ZCCHC8: variants seen among roughly 807,000 people sequenced by gnomAD.
The protein encoded by ZCCHC8 is zinc finger CCHC domain-containing protein 8.
In ZCCHC8, 27 loss-of-function variants were observed where a neutral mutation model predicts 70.6. The ratio of observed to expected loss-of-function variants is 0.38; its 90% CI spans 0.28 to 0.53. The LOEUF (loss-of-function observed/expected upper bound fraction) is 0.53. ZCCHC8 is among the 20% of genes least tolerant of loss of function. The probability of loss-of-function intolerance (pLI) is 0.81; values close to 1 mark genes in which losing one functional copy is unlikely to be tolerated. For missense variants in ZCCHC8, 737 were observed against 876.9 expected (o/e 0.84, Z 2.01); for synonymous variants, 293 against 317.4 (o/e 0.92, Z 0.82).
chr12:122,490,611 CATT>C lies in ZCCHC8; in HGVS notation c.318-47_318-45del, dbSNP rs745792031. ...TGGTCAGAACCCAGACAGAGTAAAA[CATT>C]CAATAGACTGAAGTCTTATGCATTA... On this transcript the variant is annotated intron_variant, in intron 3 of 13. Transcript: ENST00000633063. The C allele has an allele frequency of 2.1e-4, 262 of 1,243,646 alleles. 1 individual carries two copies. The highest frequency in any genetic ancestry group is 3.8e-4 in the Admixed American group (17 of 44,612). 77.0% of individuals were successfully genotyped at this position (1,243,646 alleles called of 1,614,324 possible).
intron 5 of ZCCHC8, among the ~76,000 whole-genome samples, chr12:122,488,870 CAA>C (rs532083781): frequency 7.1e-4 from 66 of 92,842 alleles, no homozygotes; most frequent in Non-Finnish European, 7.3e-4. Flanking sequence ...GACTCCGTTT[CAA>C]AAAAAAAAAA....
intron 8 of ZCCHC8, chr12:122,482,293 C>A: frequency 2.1e-6 from 1 of 487,768 alleles, no homozygotes; most frequent in Non-Finnish European, 3.4e-6. Context: ...TAAATTAAAT[C>A]AAGTTTTTAG....
chr12:122,483,973 C>T lies in ZCCHC8; in HGVS notation c.502-410G>A, dbSNP rs1957586894. The stretch of plus-strand genomic sequence containing the variant: ...CAGTTCTTTTTGAAAAAATTCCATA[C>T]AGACAAGTTGGAAAAGTGGTACAAT... On this transcript the variant is annotated intron_variant, in intron 5 of 13. Coordinates refer to ENST00000633063, the MANE Select transcript of ZCCHC8 (RefSeq NM_017612.5). The surrounding 1 kb of genome is among the most constrained non-coding windows in gnomAD (Gnocchi z 4.4). The T allele has an allele frequency of 1.2e-5, 2 of 167,434 alleles. No homozygotes were observed. Among genetic ancestry groups the T allele is most frequent in the South Asian group, 3.1e-4 (2 of 6,488 alleles). The allele number at this position is 167,434 out of a possible 1,614,324, so 10.4% of individuals were successfully genotyped here.
intron 5 of ZCCHC8, among the ~76,000 whole-genome samples, chr12:122,484,924 G>A (rs770590266): frequency 3.2e-4 from 48 of 151,978 alleles, no homozygotes; most frequent in Non-Finnish European, 6.0e-4. Context: ...ATGCTTCTCC[G>A]TTCTCTTCTT....
At chr12:122,490,807 T>C (rs1342840544) in intron 3 of ZCCHC8, 1 of 315,930 alleles carries the variant, frequency 3.2e-6, no homozygotes, top group Non-Finnish European at 5.8e-6. Flanking sequence ...TGCCAACCAG[T>C]TGTGCAAAGA....
Position 122,500,534 on chromosome 12 carries a change from G to A in ZCCHC8, c.199+108C>T, listed in dbSNP as rs1957907557. 1 of 1,333,672 alleles carries A rather than the reference G, an allele frequency of 7.5e-7. No homozygotes were observed. Among genetic ancestry groups the A allele is most frequent in the African/African-American group, 1.5e-5 (1 of 67,510 alleles). The allele number at this position is 1,333,672 out of a possible 1,614,324, so 82.6% of individuals were successfully genotyped here. On this transcript the variant is annotated intron_variant, in intron 1 of 13. Transcript: ENST00000633063. This position sits in a 1 kb window ranked among gnomAD's most constrained non-coding sequence, Gnocchi z 4.8. ...AGCACTTGGAATTCTGGCCCTCCTG[G>A]AACTTCCGCCCGCGCCCTCGCCCTC...
At chr12:122,477,688 G>A in intron 13 of ZCCHC8, 153 bp downstream of exon 13, 1 of 644,770 alleles carries the variant, frequency 1.6e-6, no homozygotes, top group East Asian at 2.9e-5. Flanking sequence ...CTACTCGGGA[G>A]GCTGAGGCGG....
rs747070442 is a variant in ZCCHC8 at position 122,483,375 on chromosome 12, C to A, written c.606-31G>T. The A allele has an allele frequency of 9.5e-6, 15 of 1,576,970 alleles. No homozygotes were observed. Among genetic ancestry groups the A allele is most frequent in the Non-Finnish European group, 1.3e-5 (15 of 1,159,540 alleles). On this transcript the variant is annotated intron_variant, in intron 6 of 13. Transcript: ENST00000633063. The surrounding 1 kb of genome is among the most constrained non-coding windows in gnomAD (Gnocchi z 4.4). ...GTGAATTTTATTAAGGAATAGTTATCATGGTCTGCAAAATTTGGAAATTGT... is the reference window on the plus strand; with the variant it reads ...GTGAATTTTATTAAGGAATAGTTATAATGGTCTGCAAAATTTGGAAATTGT...
chr12:122,474,983 C>A (rs554165094), intron 13 of ZCCHC8, among the ~76,000 whole-genome samples: 5 of 151,972 alleles, frequency 3.3e-5, no homozygotes, highest in African/African-American at 9.7e-5. Context: ...GATCCACCTG[C>A]CTTGGCCTCC....
At chr12:122,482,135 T>C (rs767529812) in intron 8 of ZCCHC8, 48 bp from the exon 9 acceptor site, 13 of 1,526,760 alleles carry the variant, frequency 8.5e-6, no homozygotes, top group Non-Finnish European at 1.0e-5. Flanking sequence ...AACTCAGAAA[T>C]ATTTCAGAAA....
intron 2 of ZCCHC8, among the ~76,000 whole-genome samples, chr12:122,497,003 C>T (rs781569107): frequency 3.3e-5 from 5 of 151,568 alleles, no homozygotes; most frequent in African/African-American, 4.9e-5. Flanking sequence ...ATAAATTAGC[C>T]GGGCCTGGTG....
rs1957900277 is a variant in ZCCHC8 at position 122,500,241 on chromosome 12, C to T, written c.199+401G>A. ...TCCCGCGTCTAAGCAGCCGGTATTT[C>T]ATCACCTACAACTGTAACATGACGG... On this transcript the variant is annotated intron_variant, in intron 1 of 13. Transcript: ENST00000633063. The surrounding 1 kb of genome is among the most constrained non-coding windows in gnomAD (Gnocchi z 4.8). The T allele has an allele frequency of 5.6e-6, 1 of 179,718 alleles. No homozygotes were observed. 11.1% of individuals were successfully genotyped at this position (179,718 alleles called of 1,614,324 possible). A position where few individuals can be genotyped will look rare whatever the true frequency, so the allele number is the denominator to read the frequency against.
At chr12:122,488,772 G>A (rs1363068014) in intron 5 of ZCCHC8, among the ~76,000 whole-genome samples, 1 of 151,500 alleles carries the variant, frequency 6.6e-6, no homozygotes, top group Non-Finnish European at 1.5e-5. Context: ...TCGGGAAGCT[G>A]AGGCAGGAGA....
chr12:122,482,719 T>C, intron 7 of ZCCHC8, 24 bp from the exon 8 acceptor site: 1 of 1,582,236 alleles, frequency 6.3e-7, no homozygotes, highest in Non-Finnish European at 8.6e-7. Context: ...AGACAAAGAT[T>C]TTTATAATGT....
intron 7 of ZCCHC8, 101 bp from the exon 8 acceptor site, chr12:122,482,796 A>C: frequency 1.0e-6 from 1 of 956,608 alleles, no homozygotes. Flanking sequence ...AGAGACAAGA[A>C]AGCAAGTTGA....
Position 122,480,482 on chromosome 12 carries a change from T to TG in ZCCHC8, c.1019-172_1019-171insC. On this transcript the variant is annotated intron_variant, in intron 10 of 13. Coordinates refer to ENST00000633063, the MANE Select transcript of ZCCHC8 (RefSeq NM_017612.5). ...AATCATTAGGACAGAACTTTTTTTT[T>TG]TTTTTTTTGAGAAAGGGTCTTGCTT... 5.3e-6 allele frequency: 3 copies of TG among 561,004 alleles called. No homozygotes were observed. In the South Asian group the frequency reaches 1.1e-4, roughly 20 times the overall value. 34.8% of individuals were successfully genotyped at this position (561,004 alleles called of 1,614,324 possible).
At chr12:122,487,099 T>C (rs939775261) in intron 5 of ZCCHC8, among the ~76,000 whole-genome samples, 1 of 152,230 alleles carries the variant, frequency 6.6e-6, no homozygotes, top group African/African-American at 2.4e-5. Context: ...AGCCTTCACT[T>C]ACTTCCTCAA....
At chr12:122,486,625 A>G (rs551736664) in intron 5 of ZCCHC8, among the ~76,000 whole-genome samples, 1 of 151,782 alleles carries the variant, frequency 6.6e-6, no homozygotes, top group African/African-American at 2.4e-5. Flanking sequence ...GCTGGAGTGA[A>G]GTGGCATGAT....
Position 122,500,886 on chromosome 12 carries a change from G to C in ZCCHC8, c.-46C>G, listed in dbSNP as rs1277831790. ...CGAGAAGAGGCGGAGCCGGCCACCA[G>C]GGCTTGGGGAAGAAGGTTGGAAGGC... On this transcript the variant is annotated 5_prime_UTR_variant, in exon 1 of 14. Coordinates refer to ENST00000633063, the MANE Select transcript of ZCCHC8 (RefSeq NM_017612.5). This position sits in a 1 kb window ranked among gnomAD's most constrained non-coding sequence, Gnocchi z 4.8. 1 of 1,541,626 alleles carries C rather than the reference G, an allele frequency of 6.5e-7. No homozygotes were observed. The highest frequency in any genetic ancestry group is 1.2e-5 in the South Asian group (1 of 83,840).
Sources: gnomAD v4.1 joint callset for allele counts (sites outside exome capture counted in the v4.1 genomes callset) on GRCh38, gnomAD v4.1.1 for gene constraint, Gnocchi (gnomAD v3.1) non-coding constraint, MANE v1.5 for transcripts, NCBI Gene and HGNC (gene_info 2026-07-23, HGNC 2026-07-21) for gene names.